The following UPP2 variants were observed in gnomAD, a reference collection of about 807,000 sequenced individuals.
The protein encoded by UPP2 is uridine phosphorylase 2, also known as UPase 2.
UPP2 carries 23 observed loss-of-function variants against 26.7 expected under a neutral mutation model. That is an observed-to-expected ratio of 0.86 (90% CI 0.62 to 1.22). The LOEUF (loss-of-function observed/expected upper bound fraction) is 1.22, where lower values mean the gene tolerates loss of function less well. Among genes scored for constraint, UPP2 ranks in the 50% most tolerant of loss-of-function variants. The pLI is 0.00. For missense variants in UPP2, 387 were observed against 396.7 expected, an observed-to-expected ratio of 0.98 and a Z score of 0.21; for synonymous variants, 127 against 141.3, an observed-to-expected ratio of 0.90 and a Z score of 0.72.
intron 3 of UPP2, among the ~76,000 whole-genome samples, chr2:158,116,590 T>TG (rs1683436013): frequency 6.6e-6 from 1 of 152,216 alleles, no homozygotes; most frequent in African/African-American, 2.4e-5. Flanking sequence ...AGTGGTTGAA[T>TG]GGGGTGCGTG....
intron 3 of UPP2, among the ~76,000 whole-genome samples, chr2:158,027,779 C>T (rs1025215158): frequency 2.6e-5 from 4 of 152,244 alleles, no homozygotes; most frequent in African/African-American, 9.6e-5. Flanking sequence ...CATTTCTATA[C>T]ATCTGAAATC....
intron 6 of UPP2, among the ~76,000 whole-genome samples, chr2:158,134,298 G>T (rs1478895741): frequency 2.0e-5 from 3 of 152,186 alleles, no homozygotes; most frequent in Non-Finnish European, 4.4e-5. Context: ...GGGCTGCAAT[G>T]CAGCAGGCAA....
chr2:158,066,100 G>C, intron 3 of UPP2: 1 of 246,146 alleles, frequency 4.1e-6, no homozygotes, highest in Non-Finnish European at 8.0e-6. Context: ...TGCCTTGGAA[G>C]TGGAACTTGA....
intron 3 of UPP2, among the ~76,000 whole-genome samples, chr2:158,096,757 A>C (rs1682992595): frequency 6.6e-6 from 1 of 152,170 alleles, no homozygotes. Context: ...TATAATATTA[A>C]ATTTTTGAAA....
At chr2:158,083,118 T>G (rs578158371) in intron 3 of UPP2, among the ~76,000 whole-genome samples, 1 of 152,262 alleles carries the variant, frequency 6.6e-6, no homozygotes, top group African/African-American at 2.4e-5. Flanking sequence ...GGAGTGTAAA[T>G]TAGTTCAACC....
intron 3 of UPP2, among the ~76,000 whole-genome samples, chr2:158,060,745 C>T (rs986331495): frequency 2.6e-5 from 4 of 152,036 alleles, no homozygotes; most frequent in African/African-American, 4.8e-5. Context: ...GAGATTAGTA[C>T]CCTTAAAAAG....
chr2:157,997,498 T>G (rs1683339444), intron 2 of UPP2, among the ~76,000 whole-genome samples: 1 of 152,212 alleles, frequency 6.6e-6, no homozygotes, highest in African/African-American at 2.4e-5. Context: ...CTTCTGTTTA[T>G]AGAGGTAAAA....
At chr2:158,047,531 A>G (rs1476832134) in intron 3 of UPP2, among the ~76,000 whole-genome samples, 1 of 152,230 alleles carries the variant, frequency 6.6e-6, no homozygotes, top group African/African-American at 2.4e-5. Context: ...CAGAAATATC[A>G]TATGGGTTTA....
At chr2:158,063,815 C>T (rs1682392035) in intron 3 of UPP2, among the ~76,000 whole-genome samples, 1 of 152,120 alleles carries the variant, frequency 6.6e-6, no homozygotes, top group African/African-American at 2.4e-5. Context: ...TCTCATTGTT[C>T]AACTCCCACT....
intron 3 of UPP2, among the ~76,000 whole-genome samples, chr2:158,078,316 A>C (rs1028155564): frequency 2.6e-5 from 4 of 152,204 alleles, no homozygotes; most frequent in Admixed American, 2.6e-4. Flanking sequence ...AGTATATTGA[A>C]GAAAGATTTG....
chr2:158,097,723 C>G (rs535714007), upstream of UPP2, among the ~76,000 whole-genome samples: 6 of 152,164 alleles, frequency 3.9e-5, no homozygotes, highest in Non-Finnish European at 8.8e-5. Context: ...GCTGCCACCC[C>G]TCTGCCTGGC....
chr2:158,070,701 T>C (rs1273118688), intron 3 of UPP2, among the ~76,000 whole-genome samples: 2 of 152,210 alleles, frequency 1.3e-5, no homozygotes, highest in Non-Finnish European at 2.9e-5. Context: ...TGCACTGTCA[T>C]AAGAACCAAA....
chr2:158,115,025 A>G lies in UPP2; in HGVS notation c.181-76A>G, dbSNP rs1683394350. 2.2e-6 allele frequency: 3 copies of G among 1,374,724 alleles called. No homozygotes were observed. In the East Asian group the frequency reaches 7.3e-5, roughly 33 times the overall value. The allele number at this position is 1,374,724 out of a possible 1,614,324, so 85.2% of individuals were successfully genotyped here. A position where few individuals can be genotyped will look rare whatever the true frequency, so the allele number is the denominator to read the frequency against. On this transcript the variant is annotated intron_variant, in intron 2 of 6. Coordinates refer to ENST00000005756, the MANE Select transcript of UPP2 (RefSeq NM_173355.4). ...GTAAATTAACTAAAAAGTAAAATAA[A>G]AACATTAGAGTTGAAACTGACCCGT...
At chr2:158,076,951 T>C (rs1682639689) in intron 3 of UPP2, among the ~76,000 whole-genome samples, 1 of 152,084 alleles carries the variant, frequency 6.6e-6, no homozygotes, top group African/African-American at 2.4e-5. Flanking sequence ...CTATTAGAAC[T>C]GATTAACAAA....
chr2:157,996,484 TG>T (rs1683326016), intron 2 of UPP2, among the ~76,000 whole-genome samples: 1 of 152,338 alleles, frequency 6.6e-6, no homozygotes, highest in African/African-American at 2.4e-5. Flanking sequence ...TTGCCTAATT[TG>T]GGGTCTCTAA....
intron 5 of UPP2, among the ~76,000 whole-genome samples, chr2:158,122,105 C>T (rs1683582883): frequency 4.0e-5 from 6 of 151,796 alleles, no homozygotes; most frequent in Admixed American, 3.9e-4. Flanking sequence ...AAGGGGTCCC[C>T]AAACCAAGTT....
intron 3 of UPP2, among the ~76,000 whole-genome samples, chr2:158,084,273 T>C (rs1682778553): frequency 6.6e-6 from 1 of 152,208 alleles, no homozygotes; most frequent in Non-Finnish European, 1.5e-5. Flanking sequence ...ACATTGAACA[T>C]TTTTTCATAT....
At chr2:158,114,549 A>T (rs559515531) in intron 2 of UPP2, among the ~76,000 whole-genome samples, 1 of 152,380 alleles carries the variant, frequency 6.6e-6, no homozygotes, top group Non-Finnish European at 1.5e-5. Flanking sequence ...ATTTACAATA[A>T]TAAGGCTTGT....
chr2:158,010,335 T>C (rs991132726), intron 2 of UPP2, among the ~76,000 whole-genome samples: 3 of 152,232 alleles, frequency 2.0e-5, no homozygotes, highest in Non-Finnish European at 4.4e-5. Flanking sequence ...TTTATGAATA[T>C]ATGTTCTTAA....
Sources: allele counts gnomAD v4.1 joint callset (sites outside exome capture counted in the v4.1 genomes callset), GRCh38; gene constraint gnomAD v4.1.1; transcripts MANE v1.5; gene names NCBI Gene and HGNC (gene_info 2026-07-23, HGNC 2026-07-21).